MAP3K4: variants seen among roughly 807,000 people sequenced by gnomAD.
The protein encoded by MAP3K4 is MAP three kinase 1.
Under a neutral mutation model 185.6 loss-of-function variants are expected in MAP3K4, and 67 were observed. The observed-to-expected ratio is 0.36, with a 90% CI of 0.30 to 0.44. The LOEUF (loss-of-function observed/expected upper bound fraction) is 0.44, where lower values mean the gene tolerates loss of function less well. MAP3K4 is among the 20% of genes least tolerant of loss of function. The pLI is 1.00. For synonymous variants in MAP3K4, 702 were observed against 710.4 expected (o/e 0.99, Z 0.19); for missense variants, 1,551 against 1,995.1 (o/e 0.78, Z 4.24).
rs1370049139 is a variant in MAP3K4 at position 161,051,289 on chromosome 6, C to T, written c.1707+1310C>T. Among the ~76,000 whole-genome samples, 1 of 151,794 alleles carries T rather than the reference C, an allele frequency of 6.6e-6. No homozygotes were observed. The highest frequency in any genetic ancestry group is 2.4e-5 in the African/African-American group (1 of 41,278). ...GCCTGGCTTGCTTTAAATTCATTAACGATAAACAACTTGGAAACTATGGAA... is the reference window on the plus strand; with the variant it reads ...GCCTGGCTTGCTTTAAATTCATTAATGATAAACAACTTGGAAACTATGGAA... On this transcript the variant is annotated intron_variant, in intron 3 of 26. Coordinates refer to ENST00000392142, the MANE Select transcript of MAP3K4 (RefSeq NM_005922.4). This position sits in a 1 kb window ranked among gnomAD's most constrained non-coding sequence, Gnocchi z 4.2.
chr6:161,112,178 G>T lies in MAP3K4; in HGVS notation c.4519+220G>T, dbSNP rs1294201247. 6.8e-6 allele frequency among the ~76,000 whole-genome samples: 1 copy of T among 148,118 alleles called. No individual in the cohort carries two copies. The highest frequency in any genetic ancestry group is 2.5e-5 in the African/African-American group (1 of 39,826). Reference sequence around the variant, plus strand: ...CTTTTAGGTTACAGGAGAGAGGAAAGCCTCTTTTTCTCACCAGAACAACTC... The same window carrying T: ...CTTTTAGGTTACAGGAGAGAGGAAATCCTCTTTTTCTCACCAGAACAACTC... On this transcript the variant is annotated intron_variant, in intron 24 of 26. Coordinates refer to ENST00000392142, the MANE Select transcript of MAP3K4 (RefSeq NM_005922.4). The surrounding 1 kb of genome is among the most constrained non-coding windows in gnomAD (Gnocchi z 5.1).
intron 2 of MAP3K4, among the ~76,000 whole-genome samples, chr6:161,041,923 TTTC>T (rs1394825809): frequency 0.11 from 7,850 of 72,872 alleles, 1,214 homozygotes; most frequent in African/African-American, 0.2. Flanking sequence ...TTTTTTTTTT[TTTC>T]TTTTTTTTTT....
rs1777573885 is a variant in MAP3K4, at chr6:161,096,380, G to GA, written c.3428-696dup. On this transcript the variant is annotated intron_variant, in intron 15 of 26. Transcript: ENST00000392142. This position sits in a 1 kb window ranked among gnomAD's most constrained non-coding sequence, Gnocchi z 4.9. ...AACAGAGTGGTAAAAGTGAAGAAGA[G>GA]AAAAGCATGTTACGGAGAGTAGGCA... 6.6e-6 allele frequency among the ~76,000 whole-genome samples: 1 copy of GA among 152,118 alleles called. No individual in the cohort carries two copies. The highest frequency in any genetic ancestry group is 2.4e-5 in the African/African-American group (1 of 41,412).
chr6:161,059,855 C>A (rs1236751036), intron 3 of MAP3K4, among the ~76,000 whole-genome samples: 1 of 106,158 alleles, frequency 9.4e-6, no homozygotes, highest in Non-Finnish European at 2.0e-5. Context: ...CTGTAGATTC[C>A]CCCTGCCTTT....
Position 161,082,116 on chromosome 6 carries a change from G to T in MAP3K4, c.2255+1078G>T, listed in dbSNP as rs1376338676. 2.0e-5 allele frequency among the ~76,000 whole-genome samples: 3 copies of T among 151,826 alleles called. No individual in the cohort carries two copies. The highest frequency in any genetic ancestry group is 4.4e-5 in the Non-Finnish European group (3 of 67,992). On this transcript the variant is annotated intron_variant, in intron 6 of 26. Transcript: ENST00000392142. This position sits in a 1 kb window ranked among gnomAD's most constrained non-coding sequence, Gnocchi z 4.2. Reference sequence around the variant, plus strand: ...TTTTTACATCCTCTCTCTTTATTTGGAGTGGACAGTGAACTTGCTCTCCTC... The same window carrying T: ...TTTTTACATCCTCTCTCTTTATTTGTAGTGGACAGTGAACTTGCTCTCCTC...
chr6:161,022,470 C>T lies in MAP3K4; in HGVS notation c.153-11789C>T, dbSNP rs1280804094. ...CAAAGATGTGAGTCCTAGAGCGGAC[C>T]AGAGAACTGGCTCTCTGAACTGCCA... On this transcript the variant is annotated intron_variant, in intron 1 of 26. Transcript: ENST00000392142. The surrounding 1 kb of genome is among the most constrained non-coding windows in gnomAD (Gnocchi z 4.2). Among the ~76,000 whole-genome samples, 1 of 152,146 alleles carries T rather than the reference C, an allele frequency of 6.6e-6. No homozygotes were observed. Among genetic ancestry groups the T allele is most frequent in the Non-Finnish European group, 1.5e-5 (1 of 68,024 alleles).
In MAP3K4 at chr6:161,077,792, G is replaced by T. The variant is rs966490414; in HGVS notation, c.2098-3089G>T. Among the ~76,000 whole-genome samples, 1 of 152,328 alleles carries T rather than the reference G, an allele frequency of 6.6e-6. No individual in the cohort carries two copies. Among genetic ancestry groups the T allele is most frequent in the East Asian group, 1.9e-4 (1 of 5,192 alleles). ...TGTGAGTGGTGAAGATGTGAGTCCG[G>T]TGAGGAGTTTTAAATTGGGCTGAGG... On this transcript the variant is annotated intron_variant, in intron 5 of 26. Transcript: ENST00000392142. This position sits in a 1 kb window ranked among gnomAD's most constrained non-coding sequence, Gnocchi z 4.3.
rs1017802332 is a variant in MAP3K4, at chr6:161,048,666, G to A, written c.394G>A (p.Val132Met). The A allele has an allele frequency of 1.2e-6, 2 of 1,613,272 alleles. No homozygotes were observed. The highest frequency in any genetic ancestry group is 1.7e-6 in the Non-Finnish European group (2 of 1,179,698). Residue 132 changes from valine (V) to methionine (M), a missense_variant, in exon 3 of 27, where the codon GTG becomes ATG. Physicochemically the swap from Val to Met is conservative, Grantham distance 21. Around this residue, in one of 16 missense-constraint regions of MAP3K4, gnomAD observed 287 missense variants for 268.8 expected, o/e 1.07. Transcript: ENST00000392142. This position sits in a 1 kb window ranked among gnomAD's most constrained non-coding sequence, Gnocchi z 4.7. ...TCCACATAAAGACACTGGAAAAACA[G>A]TGGAGAATGTGGAAGAATACAGCTA... ...QPPHKDTGKT[V>M]ENVEEYSYKQ...
At position 161,075,554 on chromosome 6, in the gene MAP3K4, A is replaced by G. The variant is rs1785133406; in HGVS notation, c.2097+1942A>G. Among the ~76,000 whole-genome samples, 1 of 152,222 alleles carries G rather than the reference A, an allele frequency of 6.6e-6. No homozygotes were observed. The highest frequency in any genetic ancestry group is 2.1e-4 in the South Asian group (1 of 4,834). ...TTTTTCTCTCTTTATGGGTAACTAA[A>G]CCAGAAGTTTAAGAAGACAGAATAT... is the stretch of plus-strand genomic sequence containing the variant. On this transcript the variant is annotated intron_variant, in intron 5 of 26. Transcript: ENST00000392142. This position sits in a 1 kb window ranked among gnomAD's most constrained non-coding sequence, Gnocchi z 4.3.
At chr6:161,044,335 C>T (rs1451645027) in intron 2 of MAP3K4, among the ~76,000 whole-genome samples, 2 of 152,114 alleles carry the variant, frequency 1.3e-5, no homozygotes, top group African/African-American at 4.8e-5. Flanking sequence ...CAGAATTCTG[C>T]TCTGTTTCCA....
rs1782434891 is a variant in MAP3K4, at chr6:161,022,188, A to AT, written c.153-12069dup. 1 of 152,216 alleles carries AT rather than the reference A, an allele frequency of 6.6e-6. No homozygotes were observed. The highest frequency in any genetic ancestry group is 2.4e-5 in the African/African-American group (1 of 41,460). 9.4% of individuals were successfully genotyped at this position (152,216 alleles called of 1,614,324 possible). On this transcript the variant is annotated intron_variant, in intron 1 of 26. Coordinates refer to ENST00000392142, the MANE Select transcript of MAP3K4 (RefSeq NM_005922.4). The surrounding 1 kb of genome is among the most constrained non-coding windows in gnomAD (Gnocchi z 4.2). Reference sequence around the variant, plus strand: ...TGAGGCTGTGTTAGAAGTGCTGCACATTGACCTTCCTGGAACGCAGAGTGT... The same window carrying AT: ...TGAGGCTGTGTTAGAAGTGCTGCACATTTGACCTTCCTGGAACGCAGAGTGT...
intron 2 of MAP3K4, among the ~76,000 whole-genome samples, chr6:161,036,532 T>C (rs1783171466): frequency 6.6e-6 from 1 of 152,196 alleles, no homozygotes; most frequent in Non-Finnish European, 1.5e-5. Context: ...CTGTACTATC[T>C]TTACTATTTT....
chr6:161,097,157 C>T lies in MAP3K4; in HGVS notation c.3505C>T (p.Pro1169Ser), dbSNP rs1282081634. ...CCCTCCTAACCCACACCTCATTATCCCCACTCCAGAGGGATTCAGGTATTT... is the reference window on the plus strand; with the variant it reads ...CCCTCCTAACCCACACCTCATTATCTCCACTCCAGAGGGATTCAGGTATTT... Reference protein sequence around the residue: ...SDPPNPHLIIPTPEGFSTRSM... With the variant: ...SDPPNPHLIISTPEGFSTRSM... The change falls in exon 16 of 27, where the codon CCC (proline) becomes TCC (serine). Residue 1169 changes from proline (P) to serine (S), a missense_variant. Pro to Ser is a moderately conservative substitution (Grantham distance 74). Around this residue, in one of 16 missense-constraint regions of MAP3K4, gnomAD observed 272 missense variants for 301.2 expected, o/e 0.90. Transcript: ENST00000392142. The surrounding 1 kb of genome is among the most constrained non-coding windows in gnomAD (Gnocchi z 4.9). 1.2e-6 allele frequency: 2 copies of T among 1,614,066 alleles called. No homozygotes were observed. Among genetic ancestry groups the T allele is most frequent in the Admixed American group, 3.3e-5 (2 of 60,008 alleles).
chr6:161,014,421 T>A (rs1339629108), intron 1 of MAP3K4, among the ~76,000 whole-genome samples: 1 of 152,234 alleles, frequency 6.6e-6, no homozygotes, highest in Non-Finnish European at 1.5e-5. Context: ...TTGTTAGTGC[T>A]TTTTCAAATT....
intron 17 of MAP3K4, among the ~76,000 whole-genome samples, chr6:161,099,953 A>G (rs1777760763): frequency 6.6e-6 from 1 of 152,254 alleles, no homozygotes; most frequent in South Asian, 2.1e-4. Context: ...TTAAGTTTGT[A>G]CATACTTAGA....
intron 1 of MAP3K4, among the ~76,000 whole-genome samples, chr6:161,015,666 G>T (rs1245718036): frequency 6.6e-6 from 1 of 152,172 alleles, no homozygotes; most frequent in African/African-American, 2.4e-5. Flanking sequence ...TGCAGATCAT[G>T]TGGCACGGAG....
intron 1 of MAP3K4, among the ~76,000 whole-genome samples, chr6:161,033,429 G>GA (rs1783018748): frequency 2.0e-5 from 3 of 152,168 alleles, no homozygotes; most frequent in Non-Finnish European, 2.9e-5. Context: ...TTGAGAAGTT[G>GA]GCCAGGGATA....
At chr6:160,998,924 A>G (rs968600344) in intron 1 of MAP3K4, among the ~76,000 whole-genome samples, 1 of 152,204 alleles carries the variant, frequency 6.6e-6, no homozygotes, top group Non-Finnish European at 1.5e-5. Flanking sequence ...GGCAACATGA[A>G]GTTTTGTTTT....
intron 2 of MAP3K4, among the ~76,000 whole-genome samples, chr6:161,042,078 C>CT (rs1783493602): frequency 6.6e-6 from 1 of 151,768 alleles, no homozygotes; most frequent in Admixed American, 6.6e-5. Flanking sequence ...TTTTAAAGGG[C>CT]TTTTATGTGA....
Sources: allele counts gnomAD v4.1 joint callset (sites outside exome capture counted in the v4.1 genomes callset), GRCh38; gene constraint gnomAD v4.1.1; regional missense constraint gnomAD v4.1.1; non-coding constraint Gnocchi (gnomAD v3.1); transcripts MANE v1.5; gene names NCBI Gene and HGNC (gene_info 2026-07-23, HGNC 2026-07-21).